The following CCDC7 variants were observed in gnomAD, a reference collection of about 807,000 sequenced individuals.
CCDC7 encodes the protein coiled-coil domain containing 7.
In CCDC7, 183 loss-of-function variants were observed where a neutral mutation model predicts 196.9. The ratio of observed to expected loss-of-function variants is 0.93; its 90% CI spans 0.82 to 1.05. CCDC7 has a LOEUF of 1.05. CCDC7 is among the 50% of genes least tolerant of loss of function. The pLI is 0.00. For synonymous variants in CCDC7, 525 were observed against 484.6 expected (o/e 1.08, Z -1.10); for missense variants, 1,540 against 1,482.2 (o/e 1.04, Z -0.64).
chr10:32,821,032 C>A (rs1227176699), intron 31 of CCDC7, among the ~76,000 whole-genome samples: 1 of 152,100 alleles, frequency 6.6e-6, no homozygotes, highest in Non-Finnish European at 1.5e-5. Context: ...AACAGGCAAC[C>A]TACAGAATGG....
At chr10:32,721,936 AAGTC>A (rs1437838848) in intron 25 of CCDC7, among the ~76,000 whole-genome samples, 1 of 152,152 alleles carries the variant, frequency 6.6e-6, no homozygotes, top group African/African-American at 2.4e-5. Context: ...GACAGTCACA[AAGTC>A]AGTACTGCCA....
intron 9 of CCDC7, among the ~76,000 whole-genome samples, chr10:32,505,003 T>A (rs1274784169): frequency 1.3e-5 from 2 of 152,144 alleles, no homozygotes; most frequent in African/African-American, 4.8e-5. Context: ...AAATGAGGCA[T>A]TACTGTAAAT....
chr10:32,711,282 A>G (rs767963824), intron 24 of CCDC7, among the ~76,000 whole-genome samples: 1 of 152,038 alleles, frequency 6.6e-6, no homozygotes, highest in Non-Finnish European at 1.5e-5. Context: ...ATACTTTGCA[A>G]TTACAAATAA....
At chr10:32,711,647 C>A in exon 25 of CCDC7, 1 of 1,589,912 alleles carries the variant, frequency 6.3e-7, no homozygotes, top group Middle Eastern at 1.7e-4. Flanking sequence ...GGTGAAAATC[C>A]TATGCTTAAA....
chr10:32,711,398 A>C, intron 24 of CCDC7, among the ~76,000 whole-genome samples: 1 of 152,230 alleles, frequency 6.6e-6, no homozygotes, highest in South Asian at 2.1e-4. Context: ...CTAATATAAA[A>C]CACATTTAAT....
intron 28 of CCDC7, among the ~76,000 whole-genome samples, chr10:32,762,385 A>T (rs11814833): frequency 0.053 from 8,053 of 151,670 alleles, 715 homozygotes; most frequent in African/African-American, 0.18. Flanking sequence ...TGCCTGATAT[A>T]TATATAATAA....
At chr10:32,578,584 C>T (rs2058451625) in intron 16 of CCDC7, among the ~76,000 whole-genome samples, 1 of 151,264 alleles carries the variant, frequency 6.6e-6, no homozygotes, top group Non-Finnish European at 1.5e-5. Flanking sequence ...GTGAAGTTAA[C>T]AATAGGATTT....
intron 20 of CCDC7, among the ~76,000 whole-genome samples, chr10:32,637,041 T>G (rs1427748829): frequency 1.3e-5 from 2 of 152,150 alleles, no homozygotes; most frequent in African/African-American, 2.4e-5. Flanking sequence ...TGAGAAGTGT[T>G]TGTTCATATC....
chr10:32,755,293 G>T (rs1245852518), intron 28 of CCDC7, among the ~76,000 whole-genome samples: 1 of 152,172 alleles, frequency 6.6e-6, no homozygotes, highest in Non-Finnish European at 1.5e-5. Context: ...TGGAGTTTGA[G>T]ATCTGAGAAT....
intron 9 of CCDC7, among the ~76,000 whole-genome samples, chr10:32,508,516 A>G (rs1338896656): frequency 1.3e-5 from 2 of 152,202 alleles, no homozygotes; most frequent in Non-Finnish European, 2.9e-5. Flanking sequence ...TACCAATGAC[A>G]TTTTTCACAG....
intron 13 of CCDC7, among the ~76,000 whole-genome samples, chr10:32,557,443 C>T (rs537385442): frequency 6.6e-6 from 1 of 152,094 alleles, no homozygotes; most frequent in South Asian, 2.1e-4. Context: ...TTGTCTACCA[C>T]TTCCTCTCTC....
At chr10:32,491,860 C>T in intron 8 of CCDC7, 62 bp from the exon 10 acceptor site, 2 of 1,449,478 alleles carry the variant, frequency 1.4e-6, no homozygotes, top group Non-Finnish European at 1.8e-6. Context: ...TTATATTTAG[C>T]ATAGAGCTAT....
Position 32,642,354 on chromosome 10 carries a change from C to T in CCDC7, c.2014+7196C>T, listed in dbSNP as rs959586044. On this transcript the variant is annotated intron_variant, in intron 20 of 41. Transcript: ENST00000639629. ...CTACTCAAGCCTTGGCAATGGCGGG[C>T]GCCCCTCCCCCAGCCTGGCTGCCGC... Among the ~76,000 whole-genome samples the T allele has an allele frequency of 1.1e-4, 16 of 152,250 alleles. No individual in the cohort carries two copies. In the South Asian group the frequency reaches 2.3e-3, roughly 22 times the overall value.
intron 33 of CCDC7, among the ~76,000 whole-genome samples, chr10:32,836,611 A>G (rs529904524): frequency 6.6e-6 from 1 of 152,028 alleles, no homozygotes; most frequent in Non-Finnish European, 1.5e-5. Flanking sequence ...TGTGGTTTTG[A>G]TTTGCATTTC....
chr10:32,672,372 A>C (rs536951391), intron 21 of CCDC7, among the ~76,000 whole-genome samples: 3 of 152,142 alleles, frequency 2.0e-5, no homozygotes. Flanking sequence ...TTGGAATGCA[A>C]ACTACCTTGC....
chr10:32,814,393 G>T (rs2087909334), exon 31 of CCDC7: 3 of 1,611,326 alleles, frequency 1.9e-6, no homozygotes, highest in Non-Finnish European at 1.7e-6. Flanking sequence ...ACAATTGACA[G>T]ATGCATTTGG....
intron 8 of CCDC7, among the ~76,000 whole-genome samples, chr10:32,477,477 A>C (rs2039210554): frequency 6.6e-6 from 1 of 151,888 alleles, no homozygotes; most frequent in Non-Finnish European, 1.5e-5. Context: ...CTGGGATTAC[A>C]GGCGTGAGCC....
At chr10:32,696,180 A>G (rs2077697042) in intron 24 of CCDC7, among the ~76,000 whole-genome samples, 1 of 152,172 alleles carries the variant, frequency 6.6e-6, no homozygotes, top group Admixed American at 6.5e-5. Flanking sequence ...TGTCATAACA[A>G]TAACCCATTC....
chr10:32,711,249 C>A (rs964287974), intron 24 of CCDC7, among the ~76,000 whole-genome samples: 3 of 151,718 alleles, frequency 2.0e-5, no homozygotes, highest in African/African-American at 7.3e-5. Flanking sequence ...GTCTCCTGTG[C>A]TTAAAAATCT....
Sources: gnomAD v4.1 joint callset for allele counts (sites outside exome capture counted in the v4.1 genomes callset) on GRCh38, gnomAD v4.1.1 for gene constraint, MANE v1.5 for transcripts, NCBI Gene and HGNC (gene_info 2026-07-23, HGNC 2026-07-21) for gene names.